The following CAST variants were observed in gnomAD, a reference collection of about 807,000 sequenced individuals.
CAST encodes the protein calpastatin.
CAST carries 76 observed loss-of-function variants against 119.6 expected under a neutral mutation model. The ratio of observed to expected loss-of-function variants is 0.64; its 90% CI spans 0.53 to 0.77. CAST has a LOEUF of 0.77. Among genes scored for constraint, CAST ranks in the 30% least tolerant of loss-of-function variants. The pLI, the probability that CAST is intolerant of heterozygous loss-of-function variation, is 0.00. For missense variants in CAST, 953 were observed against 946.5 expected, an observed-to-expected ratio of 1.01 and a Z score of -0.09; for synonymous variants, 319 against 331.6, an observed-to-expected ratio of 0.96 and a Z score of 0.41.
At chr5:96,620,194 C>T (rs950726772) in intron 1 of CAST, among the ~76,000 whole-genome samples, 10 of 151,962 alleles carry the variant, frequency 6.6e-5, no homozygotes, top group East Asian at 3.9e-4. Flanking sequence ...GCCTGTAGGG[C>T]GACAATCATA....
chr5:95,968,120 A>G, the CAST span, among the ~76,000 whole-genome samples: 1 of 152,206 alleles, frequency 6.6e-6, no homozygotes, highest in Non-Finnish European at 1.5e-5. Flanking sequence ...TGAAATTAAT[A>G]AAGAGAAAAT....
In CAST at chr5:96,647,351, T is replaced by C. The variant is rs189486155; in HGVS notation, c.61-28188T>C. 2.4e-4 allele frequency among the ~76,000 whole-genome samples: 36 copies of C among 152,312 alleles called. 1 individual carries two copies. Among genetic ancestry groups the C allele is most frequent in the Admixed American group, 2.0e-3 (30 of 15,304 alleles). On this transcript the variant is annotated intron_variant, in intron 1 of 11. Transcript: ENST00000505143. ...ACCTAGTACAGTTCTGTGGTAAAAATAGCCTTGTTGCAAGGAAGTTTCCTT... is the reference window on the plus strand; with the variant it reads ...ACCTAGTACAGTTCTGTGGTAAAAACAGCCTTGTTGCAAGGAAGTTTCCTT...
the CAST span, among the ~76,000 whole-genome samples, chr5:96,051,986 ACAC>A: frequency 6.6e-6 from 1 of 152,124 alleles, no homozygotes; most frequent in East Asian, 1.9e-4. Flanking sequence ...GGAACAATAA[ACAC>A]CAAATTTAGG....
At chr5:96,540,768 C>T (rs1348730451) in intron 1 of CAST, among the ~76,000 whole-genome samples, 1 of 152,158 alleles carries the variant, frequency 6.6e-6, no homozygotes, top group African/African-American at 2.4e-5. Flanking sequence ...ATGACCTTGA[C>T]AGTTATGAGG....
At chr5:96,720,826 T>G (rs181781777) in intron 3 of CAST, among the ~76,000 whole-genome samples, 53 of 152,356 alleles carry the variant, frequency 3.5e-4, no homozygotes, top group Admixed American at 1.2e-3. Flanking sequence ...GTGGAAAATA[T>G]GTCTACCTAA....
At chr5:96,451,325 A>C in the CAST span, among the ~76,000 whole-genome samples, 5 of 152,352 alleles carry the variant, frequency 3.3e-5, no homozygotes, top group South Asian at 1.0e-3. Context: ...ACATAAAAGA[A>C]ATTAGAAAAC....
At chr5:96,033,956 A>C in the CAST span, among the ~76,000 whole-genome samples, 2 of 152,150 alleles carry the variant, frequency 1.3e-5, no homozygotes, top group Non-Finnish European at 2.9e-5. Context: ...ACCGAATAAC[A>C]AGAAAACAAA....
chr5:96,521,587 A>T (rs149726145), upstream of CAST, among the ~76,000 whole-genome samples: 227 of 152,284 alleles, frequency 1.5e-3, 1 homozygote, highest in African/African-American at 5.1e-3. Flanking sequence ...CCACATAGTC[A>T]CTTAGATTCA....
the CAST span, among the ~76,000 whole-genome samples, chr5:96,013,029 T>C: frequency 3.3e-5 from 5 of 152,198 alleles, no homozygotes; most frequent in Non-Finnish European, 4.4e-5. Flanking sequence ...TCAGCTGAGC[T>C]GTAGGTCTTC....
chr5:96,674,139 A>C (rs563317991), intron 1 of CAST, among the ~76,000 whole-genome samples: 43 of 152,316 alleles, frequency 2.8e-4, no homozygotes, highest in Admixed American at 1.5e-3. Flanking sequence ...TTCTAGTGGC[A>C]AACAACAGAT....
At chr5:96,679,057 T>C (rs1173208215) in intron 2 of CAST, among the ~76,000 whole-genome samples, 2 of 152,008 alleles carry the variant, frequency 1.3e-5, no homozygotes, top group Non-Finnish European at 2.9e-5. Context: ...TGGAGTGCAG[T>C]AGTGTGATCA....
the CAST span, among the ~76,000 whole-genome samples, chr5:96,170,528 G>A: frequency 6.6e-6 from 1 of 152,332 alleles, no homozygotes; most frequent in East Asian, 1.9e-4. Flanking sequence ...GGTTAATTAA[G>A]TGCTATTATG....
At chr5:96,046,490 A>G in the CAST span, among the ~76,000 whole-genome samples, 1 of 152,166 alleles carries the variant, frequency 6.6e-6, no homozygotes. Context: ...TTATCCAAAA[A>G]TGTAACATAA....
the CAST span, among the ~76,000 whole-genome samples, chr5:96,406,603 G>A: frequency 6.6e-6 from 1 of 152,140 alleles, no homozygotes. Flanking sequence ...GGAAGCCCCA[G>A]GGATCCTAGA....
chr5:96,452,641 A>AAT, the CAST span, among the ~76,000 whole-genome samples: 3 of 12,596 alleles, frequency 2.4e-4, no homozygotes, highest in Admixed American at 1.2e-3. Flanking sequence ...AAAGTATAAT[A>AAT]AAAAAAAAAA....
At chr5:96,572,194 C>A (rs189583701) in intron 1 of CAST, among the ~76,000 whole-genome samples, 12 of 142,844 alleles carry the variant, frequency 8.4e-5, no homozygotes, top group Admixed American at 1.4e-4. Context: ...TCCGATGACA[C>A]AATTTGTGCT....
chr5:96,323,910 A>C, the CAST span, among the ~76,000 whole-genome samples: 3 of 152,164 alleles, frequency 2.0e-5, no homozygotes, highest in Non-Finnish European at 4.4e-5. Context: ...CTTTTCCATG[A>C]ACAGTGCAGT....
At chr5:96,198,127 T>G in the CAST span, among the ~76,000 whole-genome samples, 3 of 152,148 alleles carry the variant, frequency 2.0e-5, no homozygotes, top group African/African-American at 7.2e-5. Flanking sequence ...GTGAGATGAC[T>G]TGGCAATCTG....
chr5:96,652,947 C>G (rs1748112902), intron 1 of CAST, among the ~76,000 whole-genome samples: 1 of 152,188 alleles, frequency 6.6e-6, no homozygotes, highest in African/African-American at 2.4e-5. Flanking sequence ...CCCTCTTACC[C>G]ACCTGCTGTG....
Sources: allele counts gnomAD v4.1 joint callset (sites outside exome capture counted in the v4.1 genomes callset), GRCh38; gene constraint gnomAD v4.1.1; transcripts MANE v1.5; gene names NCBI Gene and HGNC (gene_info 2026-07-23, HGNC 2026-07-21).